The following FHIT variants were observed in gnomAD, a reference collection of about 807,000 sequenced individuals.
FHIT encodes bis(5'-adenosyl)-triphosphatase.
A neutral mutation model predicts 17.9 loss-of-function variants in FHIT; 19 were observed. That is an observed-to-expected ratio of 1.06 (90% CI 0.74 to 1.56). The LOEUF is 1.56. FHIT is among the 40% of genes most tolerant of loss of function. The probability of loss-of-function intolerance (pLI) is 0.00; values close to 1 mark genes in which losing one functional copy is unlikely to be tolerated. For synonymous variants in FHIT, 81 were observed against 69.7 expected (o/e 1.16, Z -0.81); for missense variants, 248 against 189.2 (o/e 1.31, Z -1.82).
intron 5 of FHIT, among the ~76,000 whole-genome samples, chr3:60,308,017 G>T (rs532437052): frequency 2.6e-5 from 4 of 152,280 alleles, no homozygotes; most frequent in East Asian, 3.9e-4. Flanking sequence ...TCATTTGGAG[G>T]TAAGTACTAT....
At chr3:59,909,591 G>A (rs1370402815) in intron 8 of FHIT, among the ~76,000 whole-genome samples, 1 of 152,156 alleles carries the variant, frequency 6.6e-6, no homozygotes, top group African/African-American at 2.4e-5. Context: ...CTATCCCAGG[G>A]AGTATCTTTA....
At chr3:61,034,258 A>G (rs894956919) in intron 3 of FHIT, among the ~76,000 whole-genome samples, 1 of 152,200 alleles carries the variant, frequency 6.6e-6, no homozygotes, top group African/African-American at 2.4e-5. Context: ...GAAAAAATAG[A>G]TAAGTGGTAC....
chr3:60,279,656 T>C (rs1707335522), intron 5 of FHIT, among the ~76,000 whole-genome samples: 1 of 152,124 alleles, frequency 6.6e-6, no homozygotes, highest in African/African-American at 2.4e-5. Context: ...GAACATGATA[T>C]AAAAAGCGTC....
At position 59,796,676 on chromosome 3, in the gene FHIT, G is replaced by A. The variant is rs75192453; in HGVS notation, c.349-44355C>T. Among the ~76,000 whole-genome samples, 1,389 of 152,228 alleles carry A rather than the reference G, an allele frequency of 9.1e-3. 27 individuals carry two copies. Among genetic ancestry groups the A allele is most frequent in the African/African-American group, 0.032 (1,334 of 41,514 alleles). ...AGTAATCACCAGGGATGCAAAGGAG[G>A]GTTCAATTTCTATGTCAGTTCACAC... On this transcript the variant is annotated intron_variant, in intron 8 of 9. Coordinates refer to ENST00000492590, the MANE Select transcript of FHIT (RefSeq NM_002012.4).
At chr3:60,714,128 T>C (rs1278263303) in intron 4 of FHIT, among the ~76,000 whole-genome samples, 10 of 152,268 alleles carry the variant, frequency 6.6e-5, no homozygotes, top group Non-Finnish European at 1.5e-4. Context: ...GCTGGTTCAA[T>C]ATACGCAAAT....
At chr3:60,024,563 G>A (rs1425221817) in intron 5 of FHIT, among the ~76,000 whole-genome samples, 1 of 152,184 alleles carries the variant, frequency 6.6e-6, no homozygotes, top group Non-Finnish European at 1.5e-5. Flanking sequence ...AAGACACTGA[G>A]GATACAGCAC....
chr3:59,843,097 T>G (rs183663286), intron 8 of FHIT, among the ~76,000 whole-genome samples: 152 of 152,296 alleles, frequency 1.0e-3, no homozygotes, highest in African/African-American at 3.5e-3. Context: ...AGGTAAGGAA[T>G]GTACCTAACA....
chr3:61,077,321 A>T (rs2035000607), intron 2 of FHIT, among the ~76,000 whole-genome samples: 1 of 152,168 alleles, frequency 6.6e-6, no homozygotes, highest in African/African-American at 2.4e-5. Flanking sequence ...ACAGGAATGG[A>T]AGCATAGAAG....
intron 6 of FHIT, among the ~76,000 whole-genome samples, 159 bp downstream of exon 6, chr3:60,013,848 G>T (rs1156344069): frequency 6.6e-6 from 1 of 152,096 alleles, no homozygotes; most frequent in Non-Finnish European, 1.5e-5. Flanking sequence ...GGGGCCAATG[G>T]ACAGTAGGGT....
At chr3:60,129,050 T>C (rs1699398012) in intron 5 of FHIT, among the ~76,000 whole-genome samples, 1 of 54,568 alleles carries the variant, frequency 1.8e-5, no homozygotes, top group Admixed American at 2.0e-4. Flanking sequence ...TCCTTTTTTG[T>C]TTGTTTTTTT....
chr3:60,147,691 T>C (rs1022171588), intron 5 of FHIT, among the ~76,000 whole-genome samples: 1 of 152,182 alleles, frequency 6.6e-6, no homozygotes. Context: ...AGCAAATTTT[T>C]TTCCCCCTAA....
rs187752030 is a variant in FHIT at position 60,724,994 on chromosome 3, T to A, written c.-18+96925A>T. Reference sequence around the variant, plus strand: ...AACCGTCTTAGTGGGTGTGATGTGGTATCTCGTAATGGTTTTGATTTGCAC... The same window carrying A: ...AACCGTCTTAGTGGGTGTGATGTGGAATCTCGTAATGGTTTTGATTTGCAC... On this transcript the variant is annotated intron_variant, in intron 4 of 9. Coordinates refer to ENST00000492590, the MANE Select transcript of FHIT (RefSeq NM_002012.4). 1.3e-3 allele frequency among the ~76,000 whole-genome samples: 204 copies of A among 152,250 alleles called. 1 individual carries two copies. Among genetic ancestry groups the A allele is most frequent in the African/African-American group, 4.7e-3 (197 of 41,550 alleles).
At position 61,056,297 on chromosome 3, in the gene FHIT, T is replaced by C. The variant is rs78084709; in HGVS notation, c.-163-14198A>G. On this transcript the variant is annotated intron_variant, in intron 2 of 9. Coordinates refer to ENST00000492590, the MANE Select transcript of FHIT (RefSeq NM_002012.4). Reference sequence around the variant, plus strand: ...AAATGAGTCTTTACCCAGGTGAAGATTGGGATTAGGGACCCAGCCAAAAGG... The same window carrying C: ...AAATGAGTCTTTACCCAGGTGAAGACTGGGATTAGGGACCCAGCCAAAAGG... Among the ~76,000 whole-genome samples, 1,272 of 152,274 alleles carry C rather than the reference T, an allele frequency of 8.4e-3. 21 individuals are homozygous for C. Among genetic ancestry groups the C allele is most frequent in the African/African-American group, 0.028 (1,159 of 41,554 alleles).
intron 5 of FHIT, among the ~76,000 whole-genome samples, chr3:60,527,198 G>C (rs553164419): frequency 2.6e-5 from 4 of 152,296 alleles, no homozygotes; most frequent in African/African-American, 9.6e-5. Flanking sequence ...ATGGCTTCTA[G>C]AGTCATTTGG....
intron 8 of FHIT, among the ~76,000 whole-genome samples, chr3:59,817,225 T>C (rs1053208602): frequency 2.0e-5 from 3 of 152,202 alleles, no homozygotes; most frequent in African/African-American, 7.2e-5. Flanking sequence ...TTTGTGTGTG[T>C]TGTTAGTGTA....
At chr3:60,258,694 G>A (rs1706143472) in intron 5 of FHIT, among the ~76,000 whole-genome samples, 3 of 152,118 alleles carry the variant, frequency 2.0e-5, no homozygotes, top group Admixed American at 6.6e-5. Context: ...ACGTGACATG[G>A]GAGCCTTCAT....
intron 2 of FHIT, among the ~76,000 whole-genome samples, chr3:61,181,116 T>C (rs1047591701): frequency 2.0e-5 from 3 of 152,180 alleles, no homozygotes; most frequent in African/African-American, 2.4e-5. Context: ...AAATCACATA[T>C]TGGGGACATG....
chr3:60,267,677 T>C (rs1023417856), intron 5 of FHIT, among the ~76,000 whole-genome samples: 10 of 152,122 alleles, frequency 6.6e-5, no homozygotes, highest in Admixed American at 2.6e-4. Flanking sequence ...TATACATCAT[T>C]AATTCGTTTA....
intron 5 of FHIT, among the ~76,000 whole-genome samples, chr3:60,170,397 C>A (rs1701364890): frequency 6.6e-6 from 1 of 152,108 alleles, no homozygotes; most frequent in African/African-American, 2.4e-5. Flanking sequence ...CCAATAACTC[C>A]TCCTGTTGGC....
Sources: gnomAD v4.1 joint callset for allele counts (sites outside exome capture counted in the v4.1 genomes callset) on GRCh38, gnomAD v4.1.1 for gene constraint, MANE v1.5 for transcripts, NCBI Gene and HGNC (gene_info 2026-07-23, HGNC 2026-07-21) for gene names.